The following APBB1IP variants were observed in gnomAD, a reference collection of about 807,000 sequenced individuals.
APBB1IP encodes the protein amyloid beta A4 precursor protein-binding family B member 1-interacting protein.
APBB1IP carries 27 observed loss-of-function variants against 64.9 expected under a neutral mutation model. The ratio of observed to expected loss-of-function variants is 0.42; its 90% CI spans 0.31 to 0.57. The LOEUF (loss-of-function observed/expected upper bound fraction) is 0.57, where lower values mean the gene tolerates loss of function less well. Among genes scored for constraint, APBB1IP ranks in the 20% least tolerant of loss-of-function variants. The probability of loss-of-function intolerance (pLI) is 0.20; values close to 1 mark genes in which losing one functional copy is unlikely to be tolerated. For synonymous variants in APBB1IP, 392 were observed against 331.0 expected (o/e 1.18, Z -2.00); for missense variants, 812 against 845.5 (o/e 0.96, Z 0.49).
chr10:26,545,449 A>T (rs1836747939), intron 11 of APBB1IP, among the ~76,000 whole-genome samples: 2 of 152,038 alleles, frequency 1.3e-5, no homozygotes, highest in South Asian at 4.1e-4. Context: ...AAATGGTGAA[A>T]CTCCATCTGT....
chr10:26,458,125 T>G (rs1298418186), intron 2 of APBB1IP, among the ~76,000 whole-genome samples: 1 of 152,222 alleles, frequency 6.6e-6, no homozygotes, highest in Non-Finnish European at 1.5e-5. Context: ...TGGTGTCTCA[T>G]GCCTGTAATC....
intron 14 of APBB1IP, 140 bp from the exon 15 acceptor site, chr10:26,566,821 G>A: frequency 8.6e-6 from 8 of 932,434 alleles, no homozygotes; most frequent in Non-Finnish European, 1.2e-5. Context: ...TCGGGAGGTC[G>A]AGGCTGCAGT....
intron 6 of APBB1IP, among the ~76,000 whole-genome samples, chr10:26,505,118 TAA>T (rs1836158320): frequency 6.6e-6 from 1 of 152,170 alleles, no homozygotes; most frequent in African/African-American, 2.4e-5. Context: ...GATTTTCTGC[TAA>T]GAGTTGTGTG....
chr10:26,488,382 C>T (rs1005299962), intron 2 of APBB1IP, among the ~76,000 whole-genome samples: 1 of 152,012 alleles, frequency 6.6e-6, no homozygotes, highest in Non-Finnish European at 1.5e-5. Context: ...ACTACATGCA[C>T]GTGCCCCCAC....
chr10:26,524,955 CTT>C (rs56982662), intron 8 of APBB1IP, among the ~76,000 whole-genome samples: 13 of 73,956 alleles, frequency 1.8e-4, no homozygotes, highest in Admixed American at 1.5e-3. Flanking sequence ...TTCTTTCTTT[CTT>C]TTTTTTTTTT....
chr10:26,456,737 TAAAAAAAAA>T (rs9299824), intron 2 of APBB1IP, among the ~76,000 whole-genome samples: 1 of 90,704 alleles, frequency 1.1e-5, no homozygotes, highest in African/African-American at 4.7e-5. Context: ...AGAACCTGTC[TAAAAAAAAA>T]AAAAAAAAAA....
rs372708878 is a variant in APBB1IP, at chr10:26,529,469, G to A, written c.814-3970G>A. On this transcript the variant is annotated intron_variant, in intron 8 of 14. Coordinates refer to ENST00000376236, the MANE Select transcript of APBB1IP (RefSeq NM_019043.4). ...CTGAAAAAGTCAGAAGTATGTCAGA[G>A]AAAGTTCTCAGAGAAAGGTACAGCT... is the stretch of plus-strand genomic sequence containing the variant. Among the ~76,000 whole-genome samples, 178 of 152,368 alleles carry A rather than the reference G, an allele frequency of 1.2e-3. 1 individual carries two copies. Among genetic ancestry groups the A allele is most frequent in the Middle Eastern group, 6.8e-3 (2 of 294 alleles).
intron 2 of APBB1IP, among the ~76,000 whole-genome samples, chr10:26,481,443 T>C (rs1835833286): frequency 1.3e-5 from 2 of 152,162 alleles, no homozygotes; most frequent in Admixed American, 6.5e-5. Flanking sequence ...AATAAGCACA[T>C]TTAAAAATTG....
intron 10 of APBB1IP, among the ~76,000 whole-genome samples, chr10:26,538,641 CAAAAAA>C: frequency 1.3e-5 from 1 of 77,850 alleles, no homozygotes; most frequent in African/African-American, 4.9e-5. Flanking sequence ...GATTCCATCT[CAAAAAA>C]AAAAAAAAAA....
chr10:26,506,075 G>T (rs1836171979), intron 6 of APBB1IP, among the ~76,000 whole-genome samples: 1 of 152,098 alleles, frequency 6.6e-6, no homozygotes, highest in Admixed American at 6.5e-5. Flanking sequence ...CACTTTGCAG[G>T]TCCTCTGCCT....
chr10:26,502,641 C>CA (rs201019385), intron 5 of APBB1IP, among the ~76,000 whole-genome samples: 2,330 of 105,664 alleles, frequency 0.022, 68 homozygotes, highest in African/African-American at 0.055. Flanking sequence ...GACTCCATCT[C>CA]AAAAAAAAAA....
chr10:26,517,254 A>G (rs1026348139), intron 8 of APBB1IP, among the ~76,000 whole-genome samples: 1 of 152,202 alleles, frequency 6.6e-6, no homozygotes, highest in African/African-American at 2.4e-5. Flanking sequence ...GAATTTTTAC[A>G]AAGTGAACCA....
chr10:26,562,672 C>T (rs1404310617), intron 14 of APBB1IP, among the ~76,000 whole-genome samples: 2 of 152,066 alleles, frequency 1.3e-5, no homozygotes, highest in Non-Finnish European at 2.9e-5. Flanking sequence ...TGGCATGCAC[C>T]TGTAGTCCCA....
At chr10:26,544,510 A>C (rs1836736350) in intron 11 of APBB1IP, among the ~76,000 whole-genome samples, 1 of 152,190 alleles carries the variant, frequency 6.6e-6, no homozygotes, top group African/African-American at 2.4e-5. Flanking sequence ...AACTCACTCT[A>C]ACCATCAGTA....
intron 11 of APBB1IP, among the ~76,000 whole-genome samples, chr10:26,549,001 G>T (rs554556047): frequency 6.6e-6 from 1 of 152,134 alleles, no homozygotes; most frequent in Admixed American, 6.5e-5. Context: ...ACTTTATTAC[G>T]TTGAAGTATG....
intron 6 of APBB1IP, 43 bp downstream of exon 6, chr10:26,503,317 G>T (rs1377897556): frequency 6.3e-7 from 1 of 1,594,454 alleles, no homozygotes. Flanking sequence ...TTCAATTAAG[G>T]ACCTGTGATT....
chr10:26,444,174 T>C (rs1835367262), intron 2 of APBB1IP, among the ~76,000 whole-genome samples: 1 of 152,042 alleles, frequency 6.6e-6, no homozygotes. Flanking sequence ...GGCAGGGGCA[T>C]GTCTGTGGAT....
chr10:26,475,589 A>G (rs957157081), intron 2 of APBB1IP, among the ~76,000 whole-genome samples: 2 of 152,124 alleles, frequency 1.3e-5, no homozygotes, highest in African/African-American at 4.8e-5. Context: ...AAGAGATCAG[A>G]CTTGCGTTTA....
At chr10:26,559,512 G>A (rs1438072592) in intron 11 of APBB1IP, among the ~76,000 whole-genome samples, 1 of 152,044 alleles carries the variant, frequency 6.6e-6, no homozygotes, top group South Asian at 2.1e-4. Flanking sequence ...AGGAGTTCAA[G>A]GTTTGCAGTG....
Sources: gnomAD v4.1 joint callset for allele counts (sites outside exome capture counted in the v4.1 genomes callset) on GRCh38, gnomAD v4.1.1 for gene constraint, MANE v1.5 for transcripts, NCBI Gene and HGNC (gene_info 2026-07-23, HGNC 2026-07-21) for gene names.